Variants in CACNA1A observed in about 807,000 individuals in gnomAD.
The protein encoded by CACNA1A is voltage-dependent P/Q-type calcium channel subunit alpha-1A.
In CACNA1A, 57 loss-of-function variants were observed where a neutral mutation model predicts 262.4. The observed-to-expected ratio is 0.22, with a 90% CI of 0.18 to 0.27. CACNA1A has a LOEUF of 0.27. Ranked by LOEUF, CACNA1A falls within the 10% of genes least tolerant of loss-of-function variation. CACNA1A has a pLI of 1.00. For missense variants in CACNA1A, 2,526 were observed against 3,562.8 expected, an observed-to-expected ratio of 0.71 and a Z score of 7.41; for synonymous variants, 1,431 against 1,419.3, an observed-to-expected ratio of 1.01 and a Z score of -0.18.
intron 3 of CACNA1A, among the ~76,000 whole-genome samples, chr19:13,410,395 TAAAAA>T (rs998174900): frequency 1.3e-5 from 2 of 151,522 alleles, no homozygotes; most frequent in South Asian, 2.1e-4. Flanking sequence ...CCCAGCTAAT[TAAAAA>T]AAAATTTTTT....
chr19:13,406,692 G>A (rs1164327869), intron 3 of CACNA1A, among the ~76,000 whole-genome samples: 1 of 150,280 alleles, frequency 6.7e-6, no homozygotes, highest in Non-Finnish European at 1.5e-5. Context: ...GGGTGGGTGG[G>A]CATCCTCCTA....
At chr19:13,285,763 A>G (rs1360898376) in intron 20 of CACNA1A, among the ~76,000 whole-genome samples, 1 of 151,882 alleles carries the variant, frequency 6.6e-6, no homozygotes, top group East Asian at 1.9e-4. Flanking sequence ...CAGCCTGCTT[A>G]TGTGCCCACG....
intron 6 of CACNA1A, among the ~76,000 whole-genome samples, chr19:13,351,604 G>T (rs1402379724): frequency 6.6e-6 from 1 of 152,196 alleles, no homozygotes; most frequent in African/African-American, 2.4e-5. Context: ...CTGTTTCCCA[G>T]GTTCATATGA....
chr19:13,437,691 C>CAAAAAAAAAAAAAAAAAAAA (rs35266881), intron 3 of CACNA1A, among the ~76,000 whole-genome samples: 1 of 64,926 alleles, frequency 1.5e-5, no homozygotes, highest in Non-Finnish European at 3.3e-5. Flanking sequence ...AACCCCATCT[C>CAAAAAAAAAAAAAAAAAAAA]AAAAAAAAAA....
Position 13,250,327 on chromosome 19 carries a change from C to T in CACNA1A, c.4866+2664G>A, listed in dbSNP as rs142967668. ...TGCCCTCCTCAAGCTCCCAAACTGC[C>T]GGGATTACAGGTGTGAGCCATCACA... On this transcript the variant is annotated intron_variant, in intron 30 of 46. Coordinates refer to ENST00000360228, the MANE Select transcript of CACNA1A (RefSeq NM_001127222.2). Among the ~76,000 whole-genome samples, 108 of 151,926 alleles carry T rather than the reference C, an allele frequency of 7.1e-4. 1 individual carries two copies. Among genetic ancestry groups the T allele is most frequent in the African/African-American group, 2.1e-3 (86 of 41,434 alleles).
chr19:13,311,453 G>A (rs1448108302), intron 12 of CACNA1A, among the ~76,000 whole-genome samples: 2 of 152,192 alleles, frequency 1.3e-5, no homozygotes, highest in Non-Finnish European at 2.9e-5. Flanking sequence ...CATTTATGTA[G>A]GGAAGGTTTG....
In CACNA1A at chr19:13,214,230, C is replaced by T; in HGVS notation, c.5940+3G>A. The T allele has an allele frequency of 1.9e-6, 3 of 1,605,614 alleles. No individual in the cohort carries two copies. Among genetic ancestry groups the T allele is most frequent in the Non-Finnish European group, 1.7e-6 (2 of 1,178,370 alleles). On this transcript the variant is annotated splice_donor_region_variant and intron_variant, in intron 40 of 46. Coordinates refer to ENST00000360228, the MANE Select transcript of CACNA1A (RefSeq NM_001127222.2). The surrounding 1 kb of genome is among the most constrained non-coding windows in gnomAD (Gnocchi z 4.1). ...GATGTCCCCAGAGCGGCGAACAGCG[C>T]ACCTGCTCCTCGCGCATGGCCTGCA...
At chr19:13,376,094 G>A (rs1184871983) in intron 3 of CACNA1A, among the ~76,000 whole-genome samples, 1 of 152,200 alleles carries the variant, frequency 6.6e-6, no homozygotes, top group Admixed American at 6.5e-5. Context: ...TGAGGTTTAA[G>A]GAAAGAAGGT....
rs750660386 is a variant in CACNA1A, at chr19:13,299,016, C to A, written c.2617G>T (p.Gly873Cys). 2.5e-6 allele frequency: 4 copies of A among 1,588,332 alleles called. No homozygotes were observed. In the African/African-American group the frequency reaches 5.4e-5, roughly 21 times the overall value. ...RYHDRARDPSGSAGLDARRPW... is the reference protein window; with the variant it reads ...RYHDRARDPSCSAGLDARRPW... The stretch of plus-strand genomic sequence containing the variant: ...CTCCGTGCGTCCAGGCCCGCCGAGC[C>A]GCTGGGGTCCCGGGCCCGATCGTGG... Residue 873 changes from glycine to cysteine, a missense_variant, in exon 19 of 47, where the codon GGC becomes TGC. By Grantham distance (159) the Gly-to-Cys change is radical (BLOSUM62 -3). Coordinates refer to ENST00000360228, the MANE Select transcript of CACNA1A (RefSeq NM_001127222.2).
intron 23 of CACNA1A, 88 bp downstream of exon 23, chr19:13,276,981 G>A: frequency 1.2e-6 from 1 of 854,902 alleles, no homozygotes; most frequent in Non-Finnish European, 1.9e-6. Context: ...CAAAGTGCTG[G>A]GATTACAGGC....
At chr19:13,289,898 TATATATAAC>T (rs1007939488) in intron 19 of CACNA1A, among the ~76,000 whole-genome samples, 1 of 149,170 alleles carries the variant, frequency 6.7e-6, no homozygotes, top group African/African-American at 2.4e-5. Flanking sequence ...TTCTATATTA[TATATATAAC>T]ATATATATTA....
chr19:13,238,110 G>A (rs1568449761), intron 31 of CACNA1A, among the ~76,000 whole-genome samples: 1 of 152,114 alleles, frequency 6.6e-6, no homozygotes, highest in Admixed American at 6.5e-5. Context: ...TTGGGGCAGT[G>A]GGGGAAGGGT....
In CACNA1A at chr19:13,378,070, A is replaced by G. The variant is rs115702392; in HGVS notation, c.540-6291T>C. Among the ~76,000 whole-genome samples the G allele has an allele frequency of 7.8e-3, 1,189 of 152,310 alleles. 14 individuals carry two copies. Among genetic ancestry groups the G allele is most frequent in the African/African-American group, 0.026 (1,074 of 41,560 alleles). On this transcript the variant is annotated intron_variant, in intron 3 of 46. Coordinates refer to ENST00000360228, the MANE Select transcript of CACNA1A (RefSeq NM_001127222.2). ...ATTAATAGGAATTTTGAGGAAGTCAATTCCGATCCTCATGGATGACTTTGA... is the reference window on the plus strand; with the variant it reads ...ATTAATAGGAATTTTGAGGAAGTCAGTTCCGATCCTCATGGATGACTTTGA...
chr19:13,418,463 T>C (rs1292320910), intron 3 of CACNA1A, among the ~76,000 whole-genome samples: 1 of 152,038 alleles, frequency 6.6e-6, no homozygotes, highest in Non-Finnish European at 1.5e-5. Flanking sequence ...TTAGAAAAAA[T>C]AAGGTATGCA....
At chr19:13,213,970 A>C in intron 40 of CACNA1A, 1 of 457,908 alleles carries the variant, frequency 2.2e-6, no homozygotes, top group Non-Finnish European at 4.0e-6. Context: ...ACAGGTGTGC[A>C]CCACCATGCC....
Position 13,212,549 on chromosome 19 carries a change from G to A in CACNA1A, c.6051-27C>T, listed in dbSNP as rs967807671. On this transcript the variant is annotated intron_variant, in intron 41 of 46. Coordinates refer to ENST00000360228, the MANE Select transcript of CACNA1A (RefSeq NM_001127222.2). The surrounding 1 kb of genome is among the most constrained non-coding windows in gnomAD (Gnocchi z 5.6). ...TGCATGGGGGACAGAGGCCGGGGTA[G>A]CAGTGGGCGCTTGGGCAGCTTCCAG... The A allele has an allele frequency of 2.6e-6, 4 of 1,542,148 alleles. No homozygotes were observed. The Admixed American group carries it at 5.9e-5, about 23-fold the overall frequency.
intron 3 of CACNA1A, among the ~76,000 whole-genome samples, chr19:13,412,302 T>A (rs941330698): frequency 4.6e-5 from 7 of 151,956 alleles, no homozygotes; most frequent in Non-Finnish European, 1.0e-4. Flanking sequence ...TCAAGCGATA[T>A]CCTCCTGCCT....
At chr19:13,255,701 T>TTCCCTCCTTCCCTCCCTCCCTCCTTCCC (rs1364959323) in intron 28 of CACNA1A, among the ~76,000 whole-genome samples, 933 of 65,832 alleles carry the variant, frequency 0.014, 49 homozygotes, top group African/African-American at 0.055. Flanking sequence ...TCCTCCCTCC[T>TTCCCTCCTTCCCTCCCTCCCTCCTTCCC]TCCTTCCCTC....
At chr19:13,235,165 C>T (rs1287385773) in intron 33 of CACNA1A, 44 bp downstream of exon 33, 1 of 1,595,462 alleles carries the variant, frequency 6.3e-7, no homozygotes, top group Non-Finnish European at 8.6e-7. Flanking sequence ...AGGGTGGCTG[C>T]CCTCCTTGGG....
Sources: gnomAD v4.1 joint callset for allele counts (sites outside exome capture counted in the v4.1 genomes callset) on GRCh38, gnomAD v4.1.1 for gene constraint, Gnocchi (gnomAD v3.1) non-coding constraint, MANE v1.5 for transcripts, NCBI Gene and HGNC (gene_info 2026-07-23, HGNC 2026-07-21) for gene names.